The following STXBP5L variants were observed in gnomAD, a reference collection of about 807,000 sequenced individuals.
STXBP5L encodes the protein syntaxin-binding protein 5-like.
Under a neutral mutation model 144.5 loss-of-function variants are expected in STXBP5L, and 65 were observed. The ratio of observed to expected loss-of-function variants is 0.45; its 90% CI spans 0.37 to 0.55. The LOEUF (loss-of-function observed/expected upper bound fraction) is 0.55. Among genes scored for constraint, STXBP5L ranks in the 20% least tolerant of loss-of-function variants. The probability of loss-of-function intolerance (pLI) is 0.00; values close to 1 mark genes in which losing one functional copy is unlikely to be tolerated. For missense variants in STXBP5L, 1,298 were observed against 1,405.5 expected, an observed-to-expected ratio of 0.92 and a Z score of 1.22; for synonymous variants, 505 against 469.6, an observed-to-expected ratio of 1.08 and a Z score of -0.97.
chr3:121,011,504 T>G (rs910998804), intron 3 of STXBP5L, among the ~76,000 whole-genome samples: 2 of 151,788 alleles, frequency 1.3e-5, no homozygotes, highest in Non-Finnish European at 2.9e-5. Context: ...TGCGCCACTA[T>G]CAGTTCTTGG....
intron 20 of STXBP5L, among the ~76,000 whole-genome samples, chr3:121,321,060 T>A (rs2043955251): frequency 6.6e-6 from 1 of 152,222 alleles, no homozygotes; most frequent in African/African-American, 2.4e-5. Context: ...AAGTAGATTG[T>A]TTCAAAGCAG....
chr3:121,335,208 T>C lies in STXBP5L; in HGVS notation c.2176+16668T>C, dbSNP rs111401791. ...ATCAAAAACACAATCCCATTCACAA[T>C]TGCCACAAAAAGAATAAAATACCTA... On this transcript the variant is annotated intron_variant, in intron 20 of 26. Coordinates refer to ENST00000471454, the MANE Select transcript of STXBP5L (RefSeq NM_001308330.2). 2.5e-3 allele frequency among the ~76,000 whole-genome samples: 380 copies of C among 152,092 alleles called. 2 individuals carry two copies. Among genetic ancestry groups the C allele is most frequent in the African/African-American group, 8.6e-3 (357 of 41,510 alleles).
intron 10 of STXBP5L, among the ~76,000 whole-genome samples, chr3:121,218,241 C>T (rs1288516210): frequency 7.1e-6 from 1 of 140,598 alleles, no homozygotes; most frequent in African/African-American, 2.6e-5. Context: ...ATATATATTA[C>T]TATATACTAT....
intron 3 of STXBP5L, among the ~76,000 whole-genome samples, chr3:121,028,471 T>C (rs567331448): frequency 6.6e-6 from 1 of 152,224 alleles, no homozygotes; most frequent in East Asian, 1.9e-4. Flanking sequence ...AAGAGTCTTG[T>C]AGTGATTATA....
Position 121,240,599 on chromosome 3 carries a change from A to G in STXBP5L, c.1400+92A>G, listed in dbSNP as rs1410130888. On this transcript the variant is annotated intron_variant, in intron 14 of 26. Coordinates refer to ENST00000471454, the MANE Select transcript of STXBP5L (RefSeq NM_001308330.2). Reference sequence around the variant, plus strand: ...TTTCCATAATTGTGTTCTATGCAGAATAATAGTTTAAGTAAAAGTAAAAAT... The same window carrying G: ...TTTCCATAATTGTGTTCTATGCAGAGTAATAGTTTAAGTAAAAGTAAAAAT... 57 of 1,182,292 alleles carry G rather than the reference A, an allele frequency of 4.8e-5. No individual in the cohort carries two copies. In the South Asian group the frequency reaches 7.4e-4, roughly 15 times the overall value. The allele number at this position is 1,182,292 out of a possible 1,614,324, so 73.2% of individuals were successfully genotyped here.
At chr3:121,267,175 A>T (rs2050592878) in intron 18 of STXBP5L, among the ~76,000 whole-genome samples, 1 of 152,244 alleles carries the variant, frequency 6.6e-6, no homozygotes, top group South Asian at 2.1e-4. Context: ...ACAAGGCTAC[A>T]GTAACCAAAA....
chr3:121,050,680 C>A lies in STXBP5L; in HGVS notation c.470+5145C>A, dbSNP rs370250946. 2.6e-5 allele frequency among the ~76,000 whole-genome samples: 4 copies of A among 152,170 alleles called. No individual in the cohort carries two copies. In the East Asian group the frequency reaches 7.7e-4, roughly 29 times the overall value. Reference sequence around the variant, plus strand: ...GCTAGGAAGAAACTGCATCAACTAACGAGCAAAATAACCAGCTAACATCAT... The same window carrying A: ...GCTAGGAAGAAACTGCATCAACTAAAGAGCAAAATAACCAGCTAACATCAT... On this transcript the variant is annotated intron_variant, in intron 5 of 26. Coordinates refer to ENST00000471454, the MANE Select transcript of STXBP5L (RefSeq NM_001308330.2).
Position 121,240,462 on chromosome 3 carries a change from C to T in STXBP5L, c.1355C>T (p.Ala452Val), listed in dbSNP as rs375342298. Residue 452 changes from alanine (A) to valine (V), a missense_variant, in exon 14 of 27, where the codon GCT becomes GTT. By Grantham distance (64) the Ala-to-Val change is moderately conservative. Coordinates refer to ENST00000471454, the MANE Select transcript of STXBP5L (RefSeq NM_001308330.2). ...TAGGAGTGGCCAATCAGTGGAGGAG[C>T]TTGGAACCTTGGAGCACAAACATAT... ...SNKEWPISGGAWNLGAQTYPE... is the reference protein window; with the variant it reads ...SNKEWPISGGVWNLGAQTYPE... 2 of 1,613,322 alleles carry T rather than the reference C, an allele frequency of 1.2e-6. No individual in the cohort carries two copies. The highest frequency in any genetic ancestry group is 8.5e-7 in the Non-Finnish European group (1 of 1,179,700).
intron 20 of STXBP5L, among the ~76,000 whole-genome samples, chr3:121,355,824 C>G (rs1163647613): frequency 1.3e-5 from 2 of 152,168 alleles, no homozygotes; most frequent in Admixed American, 1.3e-4. Flanking sequence ...TCTATGTGGT[C>G]TTATCTACCT....
intron 22 of STXBP5L, among the ~76,000 whole-genome samples, chr3:121,391,526 A>G (rs1454148932): frequency 6.6e-6 from 1 of 152,106 alleles, no homozygotes; most frequent in Non-Finnish European, 1.5e-5. Flanking sequence ...TTGTGGTTTT[A>G]TCTACCTTTG....
intron 2 of STXBP5L, among the ~76,000 whole-genome samples, chr3:120,934,140 C>T (rs1277131419): frequency 7.0e-6 from 1 of 142,480 alleles, no homozygotes; most frequent in African/African-American, 2.6e-5. Context: ...TTCACTGTCT[C>T]AGTTGTACAT....
chr3:121,172,827 T>G (rs545812538), intron 9 of STXBP5L, among the ~76,000 whole-genome samples: 1 of 152,236 alleles, frequency 6.6e-6, no homozygotes, highest in Non-Finnish European at 1.5e-5. Context: ...ATCCCATTAC[T>G]GGGTGTATAC....
chr3:120,988,217 T>C (rs193228060), intron 3 of STXBP5L, among the ~76,000 whole-genome samples: 3 of 151,870 alleles, frequency 2.0e-5, no homozygotes, highest in Admixed American at 2.0e-4. Context: ...GGTACTCTGA[T>C]TTGGTGCTCT....
chr3:121,135,248 G>T (rs2107914868), intron 7 of STXBP5L, among the ~76,000 whole-genome samples: 1 of 152,242 alleles, frequency 6.6e-6, no homozygotes, highest in South Asian at 2.1e-4. Context: ...CTTTTTGACG[G>T]TGTTGTTTGT....
chr3:121,350,676 G>A (rs974576482), intron 20 of STXBP5L, among the ~76,000 whole-genome samples: 2 of 151,492 alleles, frequency 1.3e-5, no homozygotes, highest in Non-Finnish European at 2.9e-5. Context: ...TCTTTTTTTC[G>A]TTAAACTTCT....
At chr3:120,963,417 A>T (rs1157514319) in intron 3 of STXBP5L, among the ~76,000 whole-genome samples, 1 of 152,222 alleles carries the variant, frequency 6.6e-6, no homozygotes, top group Non-Finnish European at 1.5e-5. Context: ...TATGTCATAA[A>T]TAGCTCTTAT....
chr3:121,112,890 A>G (rs1436043862), intron 5 of STXBP5L, among the ~76,000 whole-genome samples: 2 of 152,196 alleles, frequency 1.3e-5, no homozygotes, highest in African/African-American at 4.8e-5. Flanking sequence ...TAGAGCTAGC[A>G]AATATACAGC....
At chr3:121,385,065 T>G (rs1179044606) in intron 22 of STXBP5L, among the ~76,000 whole-genome samples, 1 of 152,024 alleles carries the variant, frequency 6.6e-6, no homozygotes. Context: ...ATAATCAAAC[T>G]CAAGATTTAA....
chr3:121,070,842 T>A (rs1560089546), intron 5 of STXBP5L, among the ~76,000 whole-genome samples: 2 of 152,184 alleles, frequency 1.3e-5, no homozygotes, highest in Non-Finnish European at 2.9e-5. Context: ...TGTTTACAAG[T>A]TTACTGACCC....
Sources: allele counts gnomAD v4.1 joint callset (sites outside exome capture counted in the v4.1 genomes callset), GRCh38; gene constraint gnomAD v4.1.1; transcripts MANE v1.5; gene names NCBI Gene and HGNC (gene_info 2026-07-23, HGNC 2026-07-21).